PDILT: variants seen among roughly 807,000 people sequenced by gnomAD.
PDILT encodes protein disulfide isomerase like, testis expressed, also known as protein disulfide-isomerase-like protein of the testis.
PDILT carries 43 observed loss-of-function variants against 53.7 expected under a neutral mutation model. The ratio of observed to expected loss-of-function variants is 0.80; its 90% CI spans 0.63 to 1.03. The LOEUF is 1.03. PDILT is among the 50% of genes least tolerant of loss of function. PDILT has a pLI of 0.00. For missense variants in PDILT, 727 were observed against 712.3 expected (o/e 1.02, Z -0.24); for synonymous variants, 282 against 274.2 (o/e 1.03, Z -0.28).
chr16:20,396,919 G>A (rs1462244071), intron 2 of PDILT, among the ~76,000 whole-genome samples: 1 of 152,070 alleles, frequency 6.6e-6, no homozygotes, highest in Non-Finnish European at 1.5e-5. Context: ...CTGTGACAGG[G>A]GACTGCATAT....
chr16:20,366,976 C>CTATTTA lies in PDILT; in HGVS notation c.1117-1437_1117-1436insTAAATA, dbSNP rs1966204420. ...CCTTCCTTCCTTCCTTCCTTCCTTC[C>CTATTTA]TTCCTTCCTTCCTTTCTTTCTTTCT... On this transcript the variant is annotated intron_variant, in intron 8 of 11. Transcript: ENST00000302451. 2.3e-4 allele frequency among the ~76,000 whole-genome samples: 12 copies of CTATTTA among 51,284 alleles called. No homozygotes were observed. In the South Asian group the frequency reaches 3.8e-3, roughly 16 times the overall value. 33.6% of individuals were successfully genotyped at this position (51,284 alleles called of 152,430 possible).
At chr16:20,372,709 T>C in intron 7 of PDILT, 93 bp downstream of exon 7, 1 of 1,426,586 alleles carries the variant, frequency 7.0e-7, no homozygotes, top group Admixed American at 2.3e-5. Flanking sequence ...CTGATTCAAT[T>C]TATAATAAGC....
At chr16:20,367,024 CTTCTTTCTTTCTTTCTTTCTTTCTTTCT>C (rs528059448) in intron 8 of PDILT, among the ~76,000 whole-genome samples, 5,593 of 76,136 alleles carry the variant, frequency 0.073, 540 homozygotes, top group Middle Eastern at 0.12. Context: ...CTCTCTCTTT[CTTCTTTCTTTCTTTCTTTCTTTCTTTCT>C]TTCTTTCTTT....
At chr16:20,400,151 T>A (rs1336885203) in intron 1 of PDILT, among the ~76,000 whole-genome samples, 1 of 151,908 alleles carries the variant, frequency 6.6e-6, no homozygotes, top group Non-Finnish European at 1.5e-5. Flanking sequence ...GACCTCTGCA[T>A]CCTGGGTTCC....
Position 20,375,890 on chromosome 16 carries a change from C to G in PDILT, c.543+178G>C, listed in dbSNP as rs75803457. Among the ~76,000 whole-genome samples the G allele has an allele frequency of 5.9e-3, 903 of 152,314 alleles. 9 individuals are homozygous for G. The highest frequency in any genetic ancestry group is 0.02 in the African/African-American group (850 of 41,558). On this transcript the variant is annotated intron_variant, in intron 4 of 11. Transcript: ENST00000302451. ...AAACCCATTAAATACAGATGCCAATCTTCTCTCTTTTCTTTCCATTCCTGT... is the reference window on the plus strand; with the variant it reads ...AAACCCATTAAATACAGATGCCAATGTTCTCTCTTTTCTTTCCATTCCTGT...
chr16:20,365,412 A>G lies in PDILT; in HGVS notation c.1237+8T>C, dbSNP rs8052918. 942,405 of 1,606,862 alleles carry G rather than the reference A, an allele frequency of 0.59. 283,751 individuals carry two copies. The highest frequency in any genetic ancestry group is 0.62 in the Non-Finnish European group (725,711 of 1,173,762). On this transcript the variant is annotated splice_region_variant and intron_variant, in intron 9 of 11. Transcript: ENST00000302451. ...CGTTGCCTCAGAACCCCTCTTGGAG[A>G]TACTTACAGAACATCACAAATACGT...
At chr16:20,404,263 TA>T (rs1966786149) in intron 1 of PDILT, among the ~76,000 whole-genome samples, 1 of 152,222 alleles carries the variant, frequency 6.6e-6, no homozygotes, top group Admixed American at 6.5e-5. Flanking sequence ...GAGAGTTTAA[TA>T]AAAAATACTG....
chr16:20,362,482 A>G lies in PDILT; in HGVS notation c.1338T>C (p.Asp446=). The change falls in exon 10 of 12, where the codon GAT becomes GAC. Residue 446 remains aspartate (D), a synonymous_variant. Coordinates refer to ENST00000302451, the MANE Select transcript of PDILT (RefSeq NM_174924.2). Reference sequence around the variant, plus strand: ...TCAGCTGAATGTCATTTGCTGTGACATCGATCTTGGCAATGATAATTGTGG... The same window carrying G: ...TCAGCTGAATGTCATTTGCTGTGACGTCGATCTTGGCAATGATAATTGTGG... ...NHSTIIIAKI[D]VTANDIQLMY... The G allele has an allele frequency of 1.9e-6, 3 of 1,614,228 alleles. No individual in the cohort carries two copies. The highest frequency in any genetic ancestry group is 1.7e-6 in the Non-Finnish European group (2 of 1,180,040).
At chr16:20,394,988 A>G (rs1966645287) in intron 2 of PDILT, among the ~76,000 whole-genome samples, 1 of 152,240 alleles carries the variant, frequency 6.6e-6, no homozygotes, top group Non-Finnish European at 1.5e-5. Context: ...GATCTTTAAG[A>G]TAACTAGTCA....
At chr16:20,362,037 A>G (rs1489790558) in intron 10 of PDILT, among the ~76,000 whole-genome samples, 6 of 152,184 alleles carry the variant, frequency 3.9e-5, no homozygotes, top group Admixed American at 3.9e-4. Context: ...TCACCTGGTA[A>G]TACCCCACAT....
At position 20,398,343 on chromosome 16, in the gene PDILT, T is replaced by C. The variant is rs116801243; in HGVS notation, c.202+756A>G. The stretch of plus-strand genomic sequence containing the variant: ...TGACAGCAAGAGTGATGGTCTCGGC[T>C]GGGCACAGTGGTTCACGCCTGTAAT... On this transcript the variant is annotated intron_variant, in intron 2 of 11. Coordinates refer to ENST00000302451, the MANE Select transcript of PDILT (RefSeq NM_174924.2). Among the ~76,000 whole-genome samples, 1,348 of 152,102 alleles carry C rather than the reference T, an allele frequency of 8.9e-3. 20 individuals carry two copies. The highest frequency in any genetic ancestry group is 0.028 in the African/African-American group (1,164 of 41,498).
intron 1 of PDILT, among the ~76,000 whole-genome samples, chr16:20,400,073 T>TA (rs1491225437): frequency 2.2e-5 from 2 of 92,452 alleles, no homozygotes; most frequent in African/African-American, 5.3e-5. Flanking sequence ...TATATATATA[T>TA]TTTTTGAGAC....
At position 20,384,973 on chromosome 16, in the gene PDILT, A is replaced by T. The variant is rs1596592395; in HGVS notation, c.203-122T>A. The T allele has an allele frequency of 1.3e-5, 11 of 860,132 alleles. No homozygotes were observed. In the East Asian group the frequency reaches 2.7e-4, roughly 21 times the overall value. 53.3% of individuals were successfully genotyped at this position (860,132 alleles called of 1,614,324 possible). A position where few individuals can be genotyped will look rare whatever the true frequency, so the allele number is the denominator to read the frequency against. On this transcript the variant is annotated intron_variant, in intron 2 of 11. Coordinates refer to ENST00000302451, the MANE Select transcript of PDILT (RefSeq NM_174924.2). ...TCTTGTGCTCAGCGGTTAATGGCTG[A>T]ATTTTCATAAATGTGACAAGATGTG...
At chr16:20,370,680 A>G (rs1214824314) in intron 7 of PDILT, among the ~76,000 whole-genome samples, 2 of 152,196 alleles carry the variant, frequency 1.3e-5, no homozygotes, top group Admixed American at 6.5e-5. Flanking sequence ...CCTTTCCCAG[A>G]CGATTTAGGT....
rs1966381700 is a variant in PDILT, at chr16:20,376,062, C to T, written c.543+6G>A. 1.2e-6 allele frequency: 2 copies of T among 1,614,026 alleles called. No individual in the cohort carries two copies. Among genetic ancestry groups the T allele is most frequent in the Non-Finnish European group, 1.7e-6 (2 of 1,179,972 alleles). On this transcript the variant is annotated splice_donor_region_variant and intron_variant, in intron 4 of 11. Transcript: ENST00000302451. ...AAAGCCTCCTCCCACCTCTTGGTCCCAGTACCTGGAAGAAGCCAACGATGA... is the reference window on the plus strand; with the variant it reads ...AAAGCCTCCTCCCACCTCTTGGTCCTAGTACCTGGAAGAAGCCAACGATGA...
chr16:20,377,500 G>A (rs1966404210), intron 3 of PDILT, among the ~76,000 whole-genome samples: 1 of 152,098 alleles, frequency 6.6e-6, no homozygotes, highest in African/African-American at 2.4e-5. Context: ...TCATTCTGTC[G>A]AGGAAGACAA....
intron 2 of PDILT, among the ~76,000 whole-genome samples, chr16:20,393,682 G>T (rs918121191): frequency 2.0e-5 from 3 of 152,204 alleles, no homozygotes; most frequent in Non-Finnish European, 4.4e-5. Context: ...ATTGAGGAAG[G>T]AGCTTTGGAA....
intron 5 of PDILT, among the ~76,000 whole-genome samples, chr16:20,374,474 T>G (rs902979084): frequency 3.9e-5 from 6 of 152,160 alleles, no homozygotes; most frequent in African/African-American, 1.4e-4. Flanking sequence ...CATAAAGGTC[T>G]GCAGATTAGA....
rs187659598 is a variant in PDILT, at chr16:20,396,961, C to A, written c.202+2138G>T. The stretch of plus-strand genomic sequence containing the variant: ...CCACTTTCATCACCACAACAACCTG[C>A]AAGGGAGGAATTATTAACCTTGTTG... On this transcript the variant is annotated intron_variant, in intron 2 of 11. Transcript: ENST00000302451. 5.1e-4 allele frequency among the ~76,000 whole-genome samples: 78 copies of A among 152,256 alleles called. No homozygotes were observed. The East Asian group carries it at 0.014, about 28-fold the overall frequency.
Sources: gnomAD v4.1 joint callset for allele counts (sites outside exome capture counted in the v4.1 genomes callset) on GRCh38, gnomAD v4.1.1 for gene constraint, MANE v1.5 for transcripts, NCBI Gene and HGNC (gene_info 2026-07-23, HGNC 2026-07-21) for gene names.